Variants in B3GALT4 observed in about 807,000 individuals in gnomAD.
B3GALT4 encodes beta-1,3-galactosyltransferase 4.
Under a neutral mutation model 1.6 loss-of-function variants are expected in B3GALT4, and 1 was observed. That is an observed-to-expected ratio of 0.64 (90% CI 0.23 to 3.05). The LOEUF (loss-of-function observed/expected upper bound fraction) is 3.05, where lower values mean the gene tolerates loss of function less well. Among genes scored for constraint, B3GALT4 ranks in the 30% most tolerant of loss-of-function variants. The probability of loss-of-function intolerance (pLI) is 0.21; values close to 1 mark genes in which losing one functional copy is unlikely to be tolerated. For missense variants in B3GALT4, 441 were observed against 486.9 expected (o/e 0.91, Z 0.89); for synonymous variants, 259 against 222.6 (o/e 1.16, Z -1.46).
In B3GALT4 at chr6:33,277,367, GGA is replaced by G; in HGVS notation, c.-51_-50del. ...GTCCCCGGCCGTGACCCAGGCCCGG[GGA>G]GCTAGTCTCCGCCCTTCGCTCTTAC... On this transcript the variant is annotated 5_prime_UTR_variant, in exon 1 of 1. Coordinates refer to ENST00000451237, the MANE Select transcript of B3GALT4 (RefSeq NM_003782.4). This position sits in a 1 kb window ranked among gnomAD's most constrained non-coding sequence, Gnocchi z 5.3. 1.3e-6 allele frequency: 2 copies of G among 1,574,402 alleles called. No individual in the cohort carries two copies. Among genetic ancestry groups the G allele is most frequent in the South Asian group, 1.2e-5 (1 of 86,772 alleles).
At position 33,277,405 on chromosome 6, in the gene B3GALT4, G is replaced by A; in HGVS notation, c.-15G>A. ...GCCCTTCGCTCTTACGGATCCCCTCGGAGTACGCCGCACCATGCAGCTCAG... is the reference window on the plus strand; with the variant it reads ...GCCCTTCGCTCTTACGGATCCCCTCAGAGTACGCCGCACCATGCAGCTCAG... On this transcript the variant is annotated 5_prime_UTR_variant, in exon 1 of 1. Coordinates refer to ENST00000451237, the MANE Select transcript of B3GALT4 (RefSeq NM_003782.4). The surrounding 1 kb of genome is among the most constrained non-coding windows in gnomAD (Gnocchi z 5.3). The A allele has an allele frequency of 6.2e-7, 1 of 1,607,204 alleles. No individual in the cohort carries two copies. Among genetic ancestry groups the A allele is most frequent in the Non-Finnish European group, 8.5e-7 (1 of 1,178,750 alleles).
rs72654495 is a variant in B3GALT4 at position 33,278,759 on chromosome 6, G to A, written c.*203G>A. 406 of 961,224 alleles carry A rather than the reference G, an allele frequency of 4.2e-4. 2 individuals are homozygous for A. In the African/African-American group the frequency reaches 6.4e-3, roughly 15 times the overall value. The allele number at this position is 961,224 out of a possible 1,614,324, so 59.5% of individuals were successfully genotyped here. A position where few individuals can be genotyped will look rare whatever the true frequency, so the allele number is the denominator to read the frequency against. On this transcript the variant is annotated 3_prime_UTR_variant, in exon 1 of 1. Transcript: ENST00000451237. The surrounding 1 kb of genome is among the most constrained non-coding windows in gnomAD (Gnocchi z 5.2). ...GGGAAGAGAAAAAGAAAAAAATGCT[G>A]CAGTTGTTCTCTCAAGCTAGGGCAG...
rs774131031 is a variant in B3GALT4, at chr6:33,277,779, G to A, written c.360G>A (p.Val120=). 1 of 1,613,758 alleles carries A rather than the reference G, an allele frequency of 6.2e-7. No homozygotes were observed. The highest frequency in any genetic ancestry group is 1.1e-5 in the South Asian group (1 of 91,088). The part of the protein sequence containing the change: ...LLGEPNAQHP[V]WGSQGSDLAS... Reference sequence around the variant, plus strand: ...GAGAGCCGAACGCACAGCACCCCGTGTGGGGTTCCCAGGGGAGTGACCTGG... The same window carrying A: ...GAGAGCCGAACGCACAGCACCCCGTATGGGGTTCCCAGGGGAGTGACCTGG... The change falls in exon 1 of 1, where the codon GTG becomes GTA. Residue 120 remains valine (V), a synonymous_variant. Coordinates refer to ENST00000451237, the MANE Select transcript of B3GALT4 (RefSeq NM_003782.4). The surrounding 1 kb of genome is among the most constrained non-coding windows in gnomAD (Gnocchi z 5.3).
rs1041315808 is a variant in B3GALT4, at chr6:33,277,481, C to T, written c.62C>T (p.Thr21Ile). Residue 21 changes from threonine (T) to isoleucine (I), a missense_variant, in exon 1 of 1, where the codon ACC (threonine) becomes ATC (isoleucine). By Grantham distance (89) the Thr-to-Ile change is moderately conservative. Transcript: ENST00000451237. This position sits in a 1 kb window ranked among gnomAD's most constrained non-coding sequence, Gnocchi z 5.3. Reference sequence around the variant, plus strand: ...GCTTTGCTGCTGGTGATCGTCTGGACCCTCTTCGGGCCTTCGGGGTTGGGG... The same window carrying T: ...GCTTTGCTGCTGGTGATCGTCTGGATCCTCTTCGGGCCTTCGGGGTTGGGG... ...LAALLLVIVW[T>I]LFGPSGLGEE... 1.2e-6 allele frequency: 2 copies of T among 1,612,912 alleles called. No homozygotes were observed. The highest frequency in any genetic ancestry group is 2.7e-5 in the African/African-American group (2 of 75,034).
At position 33,278,004 on chromosome 6, in the gene B3GALT4, T is replaced by C. The variant is rs538394384; in HGVS notation, c.585T>C (p.Arg195=). 5.0e-6 allele frequency: 8 copies of C among 1,613,894 alleles called. No individual in the cohort carries two copies. Among genetic ancestry groups the C allele is most frequent in the African/African-American group, 4.0e-5 (3 of 74,972 alleles). ...LVSELVLRGG[R]WGQWERSTEP... is the part of the protein sequence containing the mutation. ...CAGAGCTGGTCTTGCGAGGGGGCCG[T>C]TGGGGGCAATGGGAGAGAAGCACGG... is the stretch of plus-strand genomic sequence containing the variant. Residue 195 remains arginine (R), a synonymous_variant, in exon 1 of 1, where the codon CGT becomes CGC. Coordinates refer to ENST00000451237, the MANE Select transcript of B3GALT4 (RefSeq NM_003782.4). This position sits in a 1 kb window ranked among gnomAD's most constrained non-coding sequence, Gnocchi z 5.2.
chr6:33,277,482 C>T lies in B3GALT4; in HGVS notation c.63C>T (p.Thr21=), dbSNP rs201912153. 1.9e-6 allele frequency: 3 copies of T among 1,612,904 alleles called. No homozygotes were observed. Among genetic ancestry groups the T allele is most frequent in the Non-Finnish European group, 2.5e-6 (3 of 1,179,978 alleles). ...LAALLLVIVW[T]LFGPSGLGEE... is the part of the protein sequence containing the mutation. ...CTTTGCTGCTGGTGATCGTCTGGACCCTCTTCGGGCCTTCGGGGTTGGGGG... is the reference window on the plus strand; with the variant it reads ...CTTTGCTGCTGGTGATCGTCTGGACTCTCTTCGGGCCTTCGGGGTTGGGGG... The change falls in exon 1 of 1, where the codon ACC becomes ACT. Residue 21 remains threonine (T), a synonymous_variant. Transcript: ENST00000451237. The surrounding 1 kb of genome is among the most constrained non-coding windows in gnomAD (Gnocchi z 5.3).
At position 33,278,373 on chromosome 6, in the gene B3GALT4, G is replaced by T; in HGVS notation, c.954G>T (p.Pro318=). 1 of 1,606,904 alleles carries T rather than the reference G, an allele frequency of 6.2e-7. No individual in the cohort carries two copies. Among genetic ancestry groups the T allele is most frequent in the Non-Finnish European group, 8.5e-7 (1 of 1,175,368 alleles). ...AGCTGGCTGGTGCCACCCACTACCC[G>T]CTAGACCGGTGCTGCTATGGGAAAT... ...CVKLAGATHY[P]LDRCCYGKFL... The change falls in exon 1 of 1, where the codon CCG becomes CCT. Residue 318 remains proline (P), a synonymous_variant. Coordinates refer to ENST00000451237, the MANE Select transcript of B3GALT4 (RefSeq NM_003782.4). This position sits in a 1 kb window ranked among gnomAD's most constrained non-coding sequence, Gnocchi z 5.2.
At position 33,278,421 on chromosome 6, in the gene B3GALT4, G is replaced by C; in HGVS notation, c.1002G>C (p.Leu334=). 1 of 1,611,604 alleles carries C rather than the reference G, an allele frequency of 6.2e-7. No homozygotes were observed. The highest frequency in any genetic ancestry group is 8.5e-7 in the Non-Finnish European group (1 of 1,178,566). The change falls in exon 1 of 1, where the codon CTG becomes CTC. Residue 334 remains leucine (L), a synonymous_variant. Transcript: ENST00000451237. The surrounding 1 kb of genome is among the most constrained non-coding windows in gnomAD (Gnocchi z 5.2). ...YGKFLLTSHR[L]DPWKMQEAWK... ...AATTCCTGCTGACGTCCCACAGGCT[G>C]GACCCCTGGAAGATGCAGGAAGCCT...
At position 33,278,326 on chromosome 6, in the gene B3GALT4, C is replaced by T. The variant is rs1765811815; in HGVS notation, c.907C>T (p.Leu303Phe). 1 of 1,612,406 alleles carries T rather than the reference C, an allele frequency of 6.2e-7. No homozygotes were observed. The highest frequency in any genetic ancestry group is 1.7e-5 in the Admixed American group (1 of 59,838). ...GGGGGTAAGTGCCCGACGAGGAGGC[C>T]TCGCCCCAACACAGTGTGTCAAGCT... is the stretch of plus-strand genomic sequence containing the variant. ...FVGVSARRGGLAPTQCVKLAG... is the reference protein window; with the variant it reads ...FVGVSARRGGFAPTQCVKLAG... Residue 303 changes from leucine (L) to phenylalanine (F), a missense_variant, in exon 1 of 1, where the codon CTC becomes TTC. Transcript: ENST00000451237. This position sits in a 1 kb window ranked among gnomAD's most constrained non-coding sequence, Gnocchi z 5.2.
Position 33,278,694 on chromosome 6 carries a change from C to G in B3GALT4, c.*138C>G. ...TCACTAAAGACAGCGATATGGGAGA[C>G]ACCCAGGGGCCTGGCCCGCCAGCCC... is the stretch of plus-strand genomic sequence containing the variant. On this transcript the variant is annotated 3_prime_UTR_variant, in exon 1 of 1. Coordinates refer to ENST00000451237, the MANE Select transcript of B3GALT4 (RefSeq NM_003782.4). The surrounding 1 kb of genome is among the most constrained non-coding windows in gnomAD (Gnocchi z 5.2). The G allele has an allele frequency of 7.5e-7, 1 of 1,338,256 alleles. No individual in the cohort carries two copies. Among genetic ancestry groups the G allele is most frequent in the Middle Eastern group, 2.8e-4 (1 of 3,510 alleles). 82.9% of individuals were successfully genotyped at this position (1,338,256 alleles called of 1,614,324 possible).
Position 33,277,821 on chromosome 6 carries a change from C to T in B3GALT4, c.402C>T (p.Ala134=). The T allele has an allele frequency of 6.2e-7, 1 of 1,613,754 alleles. No homozygotes were observed. Among genetic ancestry groups the T allele is most frequent in the Non-Finnish European group, 8.5e-7 (1 of 1,179,998 alleles). ...GTGACCTGGCCTCGGAGTCAGCAGC[C>T]CAGGGGGATATCTTGCAGGCCGCCT... is the stretch of plus-strand genomic sequence containing the variant. ...QGSDLASESA[A]QGDILQAAFQ... is the part of the protein sequence containing the mutation. The change falls in exon 1 of 1, where the codon GCC becomes GCT. Residue 134 remains alanine (A), a synonymous_variant. Coordinates refer to ENST00000451237, the MANE Select transcript of B3GALT4 (RefSeq NM_003782.4). This position sits in a 1 kb window ranked among gnomAD's most constrained non-coding sequence, Gnocchi z 5.3.
chr6:33,277,860 C>T lies in B3GALT4; in HGVS notation c.441C>T (p.Tyr147=). The change falls in exon 1 of 1, where the codon TAC becomes TAT. Residue 147 remains tyrosine, a synonymous_variant. Coordinates refer to ENST00000451237, the MANE Select transcript of B3GALT4 (RefSeq NM_003782.4). The surrounding 1 kb of genome is among the most constrained non-coding windows in gnomAD (Gnocchi z 5.3). ...TGCAGGCCGCCTTCCAGGACTCCTA[C>T]CGCAACCTCACCCTAAAGACCCTCA... is the stretch of plus-strand genomic sequence containing the variant. ...DILQAAFQDS[Y]RNLTLKTLSG... The T allele has an allele frequency of 2.5e-6, 4 of 1,613,966 alleles. No individual in the cohort carries two copies. The highest frequency in any genetic ancestry group is 2.5e-6 in the Non-Finnish European group (3 of 1,180,018).
At position 33,277,987 on chromosome 6, in the gene B3GALT4, G is replaced by T; in HGVS notation, c.568G>T (p.Val190Phe). Residue 190 changes from valine (V) to phenylalanine (F), a missense_variant, in exon 1 of 1, where the codon GTC (valine) becomes TTC (phenylalanine). Physicochemically the swap from Val to Phe is conservative, Grantham distance 50 (BLOSUM62 -1). Coordinates refer to ENST00000451237, the MANE Select transcript of B3GALT4 (RefSeq NM_003782.4). The surrounding 1 kb of genome is among the most constrained non-coding windows in gnomAD (Gnocchi z 5.3). Reference sequence around the variant, plus strand: ...CGTCCCTGAACTGGTATCAGAGCTGGTCTTGCGAGGGGGCCGTTGGGGGCA... The same window carrying T: ...CGTCCCTGAACTGGTATCAGAGCTGTTCTTGCGAGGGGGCCGTTGGGGGCA... ...VNVPELVSEL[V>F]LRGGRWGQWE... 6 of 1,614,198 alleles carry T rather than the reference G, an allele frequency of 3.7e-6. No individual in the cohort carries two copies. Among genetic ancestry groups the T allele is most frequent in the Non-Finnish European group, 4.2e-6 (5 of 1,180,016 alleles).
rs1397556737 is a variant in B3GALT4 at position 33,278,080 on chromosome 6, G to A, written c.661G>A (p.Glu221Lys). ...AGGAGGCCAGGTTTTGCACAGCGAG[G>A]AAGTGCCTCTTCTGTACTTGGGCCG... ...QEGGQVLHSE[E>K]VPLLYLGRVH... Residue 221 changes from glutamate (E) to lysine (K), a missense_variant, in exon 1 of 1, where the codon GAA (glutamate) becomes AAA (lysine). Coordinates refer to ENST00000451237, the MANE Select transcript of B3GALT4 (RefSeq NM_003782.4). The surrounding 1 kb of genome is among the most constrained non-coding windows in gnomAD (Gnocchi z 5.2). 1.5e-5 allele frequency: 24 copies of A among 1,613,852 alleles called. No homozygotes were observed. The highest frequency in any genetic ancestry group is 1.9e-5 in the Non-Finnish European group (23 of 1,179,930).
rs775764759 is a variant in B3GALT4 at position 33,277,390 on chromosome 6, C to T, written c.-30C>T. 1.2e-6 allele frequency: 2 copies of T among 1,600,162 alleles called. No individual in the cohort carries two copies. Among genetic ancestry groups the T allele is most frequent in the South Asian group, 2.2e-5 (2 of 89,964 alleles). ...GGGGAGCTAGTCTCCGCCCTTCGCT[C>T]TTACGGATCCCCTCGGAGTACGCCG... On this transcript the variant is annotated 5_prime_UTR_variant, in exon 1 of 1. Coordinates refer to ENST00000451237, the MANE Select transcript of B3GALT4 (RefSeq NM_003782.4). The surrounding 1 kb of genome is among the most constrained non-coding windows in gnomAD (Gnocchi z 5.3).
At position 33,277,540 on chromosome 6, in the gene B3GALT4, C is replaced by G; in HGVS notation, c.121C>G (p.Leu41Val). 1 of 1,611,876 alleles carries G rather than the reference C, an allele frequency of 6.2e-7. No homozygotes were observed. The highest frequency in any genetic ancestry group is 1.3e-5 in the African/African-American group (1 of 75,048). ...GCTGAGCCTCTCACTAGCCTCCCTG[C>G]TCCCAGCCCCCGCCTCACCGGGGCC... ...ELLSLSLASL[L>V]PAPASPGPPL... is the part of the protein sequence containing the mutation. The change falls in exon 1 of 1, where the codon CTC (leucine) becomes GTC (valine). Residue 41 changes from leucine (L) to valine (V), a missense_variant. Transcript: ENST00000451237. This position sits in a 1 kb window ranked among gnomAD's most constrained non-coding sequence, Gnocchi z 5.3.
At position 33,278,036 on chromosome 6, in the gene B3GALT4, A is replaced by G; in HGVS notation, c.617A>G (p.Gln206Arg). 2.5e-6 allele frequency: 4 copies of G among 1,614,080 alleles called. No individual in the cohort carries two copies. The highest frequency in any genetic ancestry group is 3.4e-6 in the Non-Finnish European group (4 of 1,179,950). The change falls in exon 1 of 1, where the codon CAG becomes CGG. Residue 206 changes from glutamine (Q) to arginine (R), a missense_variant. Gln to Arg is a conservative substitution (Grantham distance 43, BLOSUM62 1). Coordinates refer to ENST00000451237, the MANE Select transcript of B3GALT4 (RefSeq NM_003782.4). This position sits in a 1 kb window ranked among gnomAD's most constrained non-coding sequence, Gnocchi z 5.2. Reference protein sequence around the residue: ...WGQWERSTEPQREAEQEGGQV... With the variant: ...WGQWERSTEPRREAEQEGGQV... ...CAATGGGAGAGAAGCACGGAACCCC[A>G]GAGAGAGGCTGAGCAGGAAGGAGGC...
rs1296596040 is a variant in B3GALT4 at position 33,277,761 on chromosome 6, G to T, written c.342G>T (p.Pro114=). 3 of 1,613,596 alleles carry T rather than the reference G, an allele frequency of 1.9e-6. No individual in the cohort carries two copies. The East Asian group carries it at 6.7e-5, about 36-fold the overall frequency. The change falls in exon 1 of 1, where the codon CCG becomes CCT. Residue 114 remains proline, a synonymous_variant. Transcript: ENST00000451237. The surrounding 1 kb of genome is among the most constrained non-coding windows in gnomAD (Gnocchi z 5.3). The stretch of plus-strand genomic sequence containing the variant: ...AGACGCTATTCTTGCTGGGAGAGCC[G>T]AACGCACAGCACCCCGTGTGGGGTT... ...RVQTLFLLGE[P]NAQHPVWGSQ... is the part of the protein sequence containing the mutation.
chr6:33,277,587 C>T lies in B3GALT4; in HGVS notation c.168C>T (p.Leu56=), dbSNP rs779942572. The change falls in exon 1 of 1, where the codon CTC becomes CTT. Residue 56 remains leucine (L), a synonymous_variant. Coordinates refer to ENST00000451237, the MANE Select transcript of B3GALT4 (RefSeq NM_003782.4). This position sits in a 1 kb window ranked among gnomAD's most constrained non-coding sequence, Gnocchi z 5.3. ...GGCCGCCCCTGGCCCTGCCCCGCCT[C>T]TTGATCCCCAACCAGGAAGCTTGCA... ...SPGPPLALPR[L]LIPNQEACSG... is the part of the protein sequence containing the mutation. The T allele has an allele frequency of 6.2e-7, 1 of 1,612,400 alleles. No homozygotes were observed. Among genetic ancestry groups the T allele is most frequent in the Non-Finnish European group, 8.5e-7 (1 of 1,179,278 alleles).
Sources: gnomAD v4.1 joint callset for allele counts on GRCh38, gnomAD v4.1.1 for gene constraint, Gnocchi (gnomAD v3.1) non-coding constraint, MANE v1.5 for transcripts, NCBI Gene and HGNC (gene_info 2026-07-23, HGNC 2026-07-21) for gene names.